GULP1: variants seen among roughly 807,000 people sequenced by gnomAD.
GULP1 encodes PTB domain-containing engulfment adapter protein 1.
GULP1 carries 19 observed loss-of-function variants against 40.9 expected under a neutral mutation model. The observed-to-expected ratio is 0.46, with a 90% confidence interval of 0.32 to 0.68. The LOEUF is 0.68. Among genes scored for constraint, GULP1 ranks in the 30% least tolerant of loss-of-function variants. The pLI, the probability that GULP1 is intolerant of heterozygous loss-of-function variation, is 0.03. For synonymous variants in GULP1, 119 were observed against 117.6 expected (o/e 1.01, Z -0.08); for missense variants, 312 against 362.2 (o/e 0.86, Z 1.12).
At chr2:188,493,586 T>C (rs899288181) in intron 4 of GULP1, among the ~76,000 whole-genome samples, 1 of 152,066 alleles carries the variant, frequency 6.6e-6, no homozygotes, top group African/African-American at 2.4e-5. Flanking sequence ...AACATTTGTC[T>C]AGCAGACACA....
At chr2:188,565,325 A>C (rs1375877324) in intron 7 of GULP1, among the ~76,000 whole-genome samples, 2 of 151,928 alleles carry the variant, frequency 1.3e-5, no homozygotes, top group African/African-American at 2.4e-5. Context: ...TATATAAAAA[A>C]CTCCTAAAAA....
intron 2 of GULP1, among the ~76,000 whole-genome samples, chr2:188,446,157 A>C (rs985042908): frequency 1.3e-5 from 2 of 152,120 alleles, no homozygotes; most frequent in African/African-American, 4.8e-5. Context: ...GTCTTTTTTC[A>C]TGCAATAAAA....
chr2:188,527,918 G>C (rs927196175), intron 5 of GULP1, among the ~76,000 whole-genome samples: 12 of 152,278 alleles, frequency 7.9e-5, no homozygotes, highest in Non-Finnish European at 1.8e-4. Context: ...TGACATACAA[G>C]AGGACTAGAA....
chr2:188,502,389 T>C (rs1395887315), intron 4 of GULP1, among the ~76,000 whole-genome samples: 1 of 151,942 alleles, frequency 6.6e-6, no homozygotes, highest in Non-Finnish European at 1.5e-5. Context: ...AAAGATACTA[T>C]TTCATGTTTA....
intron 4 of GULP1, among the ~76,000 whole-genome samples, chr2:188,486,563 G>A (rs1355889711): frequency 6.6e-6 from 1 of 151,748 alleles, no homozygotes; most frequent in East Asian, 1.9e-4. Context: ...AAGCATTAGT[G>A]TTCTGTTTTA....
chr2:188,514,427 T>G (rs937431562), intron 4 of GULP1, among the ~76,000 whole-genome samples: 1 of 152,148 alleles, frequency 6.6e-6, no homozygotes, highest in African/African-American at 2.4e-5. Flanking sequence ...CTATTGATGC[T>G]GTTAAGTGAG....
In GULP1 at chr2:188,588,262, A is replaced by C. The variant is rs1043786611; in HGVS notation, c.843+313A>C. On this transcript the variant is annotated intron_variant, in intron 11 of 11. Transcript: ENST00000409830. ...TCTAGAGTTAAACAGTCACTGCATT[A>C]GATTTATAAGATTTGATCTCAGTCT... is the stretch of plus-strand genomic sequence containing the variant. 16 of 286,740 alleles carry C rather than the reference A, an allele frequency of 5.6e-5. 1 individual carries two copies. Among genetic ancestry groups the C allele is most frequent in the South Asian group, 2.8e-4 (7 of 24,650 alleles). 17.8% of individuals were successfully genotyped at this position (286,740 alleles called of 1,614,324 possible). A position where few individuals can be genotyped will look rare whatever the true frequency, so the allele number is the denominator to read the frequency against.
intron 2 of GULP1, among the ~76,000 whole-genome samples, chr2:188,386,997 G>A (rs1014251181): frequency 3.9e-5 from 6 of 152,032 alleles, no homozygotes; most frequent in African/African-American, 1.4e-4. Context: ...TGCACTTTGG[G>A]AGGCCAAGTC....
intron 9 of GULP1, among the ~76,000 whole-genome samples, chr2:188,582,023 AAAAT>A (rs1250709408): frequency 6.6e-6 from 1 of 152,124 alleles, no homozygotes; most frequent in African/African-American, 2.4e-5. Context: ...AGCCCTCTCC[AAAAT>A]AAATCTTCAG....
At chr2:188,506,079 C>T (rs1421250966) in intron 4 of GULP1, among the ~76,000 whole-genome samples, 2 of 151,758 alleles carry the variant, frequency 1.3e-5, no homozygotes, top group East Asian at 1.9e-4. Context: ...ATATAATTAG[C>T]ACCTAATAAA....
chr2:188,577,400 G>A (rs1460820843), intron 9 of GULP1, among the ~76,000 whole-genome samples: 2 of 152,004 alleles, frequency 1.3e-5, no homozygotes, highest in African/African-American at 2.4e-5. Context: ...TACACAACAA[G>A]CTGAATGTGA....
At chr2:188,373,248 T>A (rs536716979) in intron 1 of GULP1, among the ~76,000 whole-genome samples, 5 of 152,070 alleles carry the variant, frequency 3.3e-5, no homozygotes, top group Admixed American at 2.6e-4. Flanking sequence ...AATAGTATAA[T>A]ACAGTTGAAC....
intron 1 of GULP1, among the ~76,000 whole-genome samples, chr2:188,348,488 T>A (rs936954380): frequency 2.0e-5 from 3 of 152,206 alleles, no homozygotes; most frequent in Admixed American, 2.0e-4. Context: ...TCCTGTAGAT[T>A]AAACATATAT....
At chr2:188,388,366 CAAA>C (rs61586502) in intron 2 of GULP1, among the ~76,000 whole-genome samples, 6 of 126,518 alleles carry the variant, frequency 4.7e-5, no homozygotes, top group Non-Finnish European at 4.9e-5. Context: ...CCATCTCTAC[CAAA>C]AAAAAAAAAA....
rs1704177668 is a variant in GULP1 at position 188,594,610 on chromosome 2, G to A, written c.*599G>A. Reference sequence around the variant, plus strand: ...TCCAATAATAAACCAAATGTATTTAGAGTATTTATTAGTAAATGCAAGGTG... The same window carrying A: ...TCCAATAATAAACCAAATGTATTTAAAGTATTTATTAGTAAATGCAAGGTG... On this transcript the variant is annotated 3_prime_UTR_variant, in exon 12 of 12. Coordinates refer to ENST00000409830, the MANE Select transcript of GULP1 (RefSeq NM_016315.4). 1 of 151,672 alleles carries A rather than the reference G, an allele frequency of 6.6e-6. No individual in the cohort carries two copies. 9.4% of individuals were successfully genotyped at this position (151,672 alleles called of 1,614,324 possible). A position where few individuals can be genotyped will look rare whatever the true frequency, so the allele number is the denominator to read the frequency against.
chr2:188,563,934 C>T (rs1696990150), intron 7 of GULP1, among the ~76,000 whole-genome samples: 1 of 151,746 alleles, frequency 6.6e-6, no homozygotes, highest in Non-Finnish European at 1.5e-5. Context: ...ACATTATTAC[C>T]AGGTGAGGTT....
At chr2:188,554,959 A>G (rs1177018955) in intron 7 of GULP1, among the ~76,000 whole-genome samples, 1 of 151,558 alleles carries the variant, frequency 6.6e-6, no homozygotes, top group African/African-American at 2.4e-5. Context: ...AAGTACAGCT[A>G]TTTCTGCTTG....
In GULP1 at chr2:188,423,155, A is replaced by G. The variant is rs559790690; in HGVS notation, c.-45+39266A>G. On this transcript the variant is annotated intron_variant, in intron 2 of 11. Transcript: ENST00000409830. ...TAAGGGTGAACTTTGGAGAAACTCT[A>G]TGTTAGCTAAATAATCACATCTTTC... Among the ~76,000 whole-genome samples, 7 of 152,210 alleles carry G rather than the reference A, an allele frequency of 4.6e-5. No homozygotes were observed. The South Asian group carries it at 1.0e-3, about 23-fold the overall frequency.
intron 1 of GULP1, among the ~76,000 whole-genome samples, chr2:188,319,917 A>C (rs1398837927): frequency 6.6e-6 from 1 of 152,048 alleles, no homozygotes; most frequent in African/African-American, 2.4e-5. Flanking sequence ...TGATAAGTTT[A>C]GTATGGGGTT....
Sources: allele counts gnomAD v4.1 joint callset (sites outside exome capture counted in the v4.1 genomes callset), GRCh38; gene constraint gnomAD v4.1.1; transcripts MANE v1.5; gene names NCBI Gene and HGNC (gene_info 2026-07-23, HGNC 2026-07-21).